Variants in CCT7 observed in about 807,000 individuals in gnomAD.
The protein encoded by CCT7 is chaperonin containing TCP1 subunit 7, also known as T-complex protein 1 subunit eta.
Under a neutral mutation model 56.6 loss-of-function variants are expected in CCT7, and 16 were observed. The ratio of observed to expected loss-of-function variants is 0.28; its 90% confidence interval spans 0.19 to 0.43. The LOEUF is 0.43. CCT7 is among the 20% of genes least tolerant of loss of function. CCT7 has a pLI of 1.00. For missense variants in CCT7, 519 were observed against 685.6 expected, an observed-to-expected ratio of 0.76 and a Z score of 2.71; for synonymous variants, 262 against 254.8, an observed-to-expected ratio of 1.03 and a Z score of -0.27.
intron 10 of CCT7, among the ~76,000 whole-genome samples, chr2:73,250,955 A>G (rs1416645014): frequency 6.6e-6 from 1 of 152,036 alleles, no homozygotes; most frequent in Non-Finnish European, 1.5e-5. Context: ...TCGTTTTGTT[A>G]GCAAACTGGA....
At position 73,247,953 on chromosome 2, in the gene CCT7, GC is replaced by G. The variant is rs776717969; in HGVS notation, c.783+28del. ...TAGGTGGGTTCACCAGTTGGTGGGG[GC>G]ATGGAAATGGGCAGCTTTCTGAGCC... On this transcript the variant is annotated intron_variant, in intron 7 of 11. Transcript: ENST00000258091. 3.1e-6 allele frequency: 5 copies of G among 1,604,076 alleles called. No individual in the cohort carries two copies. In the African/African-American group the frequency reaches 5.4e-5, roughly 17 times the overall value.
At chr2:73,251,126 A>G in intron 10 of CCT7, 100 bp from the exon 11 acceptor site, 1 of 1,079,772 alleles carries the variant, frequency 9.3e-7, no homozygotes, top group Non-Finnish European at 1.4e-6. Context: ...GAAGGAATGA[A>G]GAACCACTCT....
Position 73,248,979 on chromosome 2 carries a change from G to T in CCT7, c.784-12G>T. 6.2e-7 allele frequency: 1 copy of T among 1,604,050 alleles called. No homozygotes were observed. The highest frequency in any genetic ancestry group is 1.1e-5 in the South Asian group (1 of 90,348). Reference sequence around the variant, plus strand: ...CCCCAAAGCATTCTCATCCTTTTCTGGGTCTCTCCAGGATTATCAGGCAAT... The same window carrying T: ...CCCCAAAGCATTCTCATCCTTTTCTTGGTCTCTCCAGGATTATCAGGCAAT... On this transcript the variant is annotated splice_polypyrimidine_tract_variant and intron_variant, in intron 7 of 11. Transcript: ENST00000258091.
intron 5 of CCT7, 103 bp downstream of exon 5, chr2:73,244,152 C>T (rs1221521290): frequency 1.9e-5 from 21 of 1,133,364 alleles, no homozygotes; most frequent in Admixed American, 4.7e-5. Flanking sequence ...CTCCCACCTG[C>T]GACTCCCAAA....
At chr2:73,245,910 T>C (rs765013695) in intron 6 of CCT7, among the ~76,000 whole-genome samples, 2 of 152,198 alleles carry the variant, frequency 1.3e-5, no homozygotes, top group African/African-American at 2.4e-5. Context: ...CTCACTGCTT[T>C]AGTAGCGATT....
chr2:73,248,866 A>G lies in CCT7; in HGVS notation c.784-125A>G, dbSNP rs1203811774. On this transcript the variant is annotated intron_variant, in intron 7 of 11. Transcript: ENST00000258091. Reference sequence around the variant, plus strand: ...GGACTGAGGAGTAGCTATTCTGTTTATCTCTGTTAATTCCCAGATGAATCA... The same window carrying G: ...GGACTGAGGAGTAGCTATTCTGTTTGTCTCTGTTAATTCCCAGATGAATCA... 6 of 741,180 alleles carry G rather than the reference A, an allele frequency of 8.1e-6. No individual in the cohort carries two copies. The East Asian group carries it at 1.3e-4, about 17-fold the overall frequency. The allele number at this position is 741,180 out of a possible 1,614,324, so 45.9% of individuals were successfully genotyped here.
chr2:73,234,812 A>T (rs1003587685), intron 1 of CCT7, among the ~76,000 whole-genome samples: 2 of 152,194 alleles, frequency 1.3e-5, no homozygotes, highest in African/African-American at 4.8e-5. Flanking sequence ...TGGAACCGGC[A>T]CAGGCACATT....
Position 73,244,082 on chromosome 2 carries a change from T to G in CCT7, c.446+33T>G, listed in dbSNP as rs762552228. On this transcript the variant is annotated intron_variant, in intron 5 of 11. Transcript: ENST00000258091. ...TGTAGTGGGTTTTTTTTTTTTTTTT[T>G]AAAGAGACGGAGCCTTGCTGTATTG... is the stretch of plus-strand genomic sequence containing the variant. 4.1e-6 allele frequency: 6 copies of G among 1,449,528 alleles called. No homozygotes were observed. The African/African-American group carries it at 7.4e-5, about 18-fold the overall frequency. The allele number at this position is 1,449,528 out of a possible 1,614,324, so 89.8% of individuals were successfully genotyped here.
At chr2:73,244,497 G>A (rs1358703968) in intron 5 of CCT7, 47 bp from the exon 6 acceptor site, 2 of 1,527,506 alleles carry the variant, frequency 1.3e-6, no homozygotes, top group Non-Finnish European at 1.8e-6. Context: ...CAGATAAGAG[G>A]GATTTGGTTT....
intron 1 of CCT7, among the ~76,000 whole-genome samples, chr2:73,235,147 T>C (rs2103751509): frequency 6.6e-6 from 1 of 152,294 alleles, no homozygotes; most frequent in East Asian, 1.9e-4. Context: ...TCTTGAAATT[T>C]GGGGCGAGGG....
intron 10 of CCT7, among the ~76,000 whole-genome samples, 184 bp from the exon 11 acceptor site, chr2:73,251,042 A>G (rs936498576): frequency 1.3e-5 from 2 of 152,140 alleles, no homozygotes; most frequent in Non-Finnish European, 2.9e-5. Flanking sequence ...GTCAGAAACC[A>G]TAAGGTTCAC....
chr2:73,249,286 C>G, intron 8 of CCT7, 107 bp downstream of exon 8: 4 of 877,830 alleles, frequency 4.6e-6, no homozygotes, highest in Non-Finnish European at 5.0e-6. Flanking sequence ...TGAATTGAGC[C>G]CTGTTTTTTT....
intron 1 of CCT7, among the ~76,000 whole-genome samples, chr2:73,238,848 C>G (rs528566263): frequency 1.3e-5 from 2 of 152,168 alleles, no homozygotes; most frequent in Non-Finnish European, 2.9e-5. Context: ...TGAGCGGGCC[C>G]TTTAAAACAA....
chr2:73,244,003 A>G lies in CCT7; in HGVS notation c.400A>G (p.Asn134Asp). The change falls in exon 5 of 12, where the codon AAC becomes GAC. Residue 134 changes from asparagine to aspartate, a missense_variant. Asn to Asp is a conservative substitution (Grantham distance 23). Around this residue, in one of 3 missense-constraint regions of CCT7, gnomAD observed 276 missense variants for 357.3 expected, o/e 0.77. Coordinates refer to ENST00000258091, the MANE Select transcript of CCT7 (RefSeq NM_006429.4). ...AFRTATQLAV[N>D]KIKEIAVTVK... ...CAACTTCTGTTCTTGGCAGGCAGTT[A>G]ACAAGATCAAAGAGATTGCTGTGAC... The G allele has an allele frequency of 6.2e-7, 1 of 1,613,848 alleles. No individual in the cohort carries two copies. Among genetic ancestry groups the G allele is most frequent in the Non-Finnish European group, 8.5e-7 (1 of 1,179,828 alleles).
chr2:73,235,133 G>C (rs1420921742), intron 1 of CCT7, among the ~76,000 whole-genome samples: 1 of 152,148 alleles, frequency 6.6e-6, no homozygotes. Context: ...TCTGGGTCTC[G>C]TTTTCTTGAA....
Position 73,251,440 on chromosome 2 carries a change from CT to C in CCT7, c.1410+11del. 3.4e-6 allele frequency: 3 copies of C among 892,830 alleles called. No homozygotes were observed. Among genetic ancestry groups the C allele is most frequent in the Non-Finnish European group, 5.0e-6 (3 of 598,726 alleles). The allele number at this position is 892,830 out of a possible 1,614,324, so 55.3% of individuals were successfully genotyped here. On this transcript the variant is annotated intron_variant, in intron 11 of 11. Coordinates refer to ENST00000258091, the MANE Select transcript of CCT7 (RefSeq NM_006429.4). Reference sequence around the variant, plus strand: ...CGGGCTCGGCATGCCCAGGTGGGTCCTTTCTCTCCCCAGGGTTCAGGGTTTG... The same window carrying C: ...CGGGCTCGGCATGCCCAGGTGGGTCCTTCTCTCCCCAGGGTTCAGGGTTTG...
intron 8 of CCT7, 123 bp from the exon 9 acceptor site, chr2:73,249,696 G>C (rs919101479): frequency 7.1e-6 from 5 of 704,284 alleles, no homozygotes; most frequent in South Asian, 1.6e-5. Context: ...GAAGTCAAGG[G>C]AAAGGGCGGG....
intron 11 of CCT7, among the ~76,000 whole-genome samples, chr2:73,251,713 G>A (rs1178022779): frequency 6.6e-6 from 1 of 152,220 alleles, no homozygotes; most frequent in Non-Finnish European, 1.5e-5. Context: ...GCCGAGGTGG[G>A]CGGATCATGA....
At chr2:73,239,594 T>C in intron 1 of CCT7, 49 bp from the exon 2 acceptor site, 1 of 1,549,746 alleles carries the variant, frequency 6.5e-7, no homozygotes, top group African/African-American at 1.4e-5. Context: ...CCTGCCAGTC[T>C]CATTATAATA....
Sources: allele counts gnomAD v4.1 joint callset (sites outside exome capture counted in the v4.1 genomes callset), GRCh38; gene constraint gnomAD v4.1.1; regional missense constraint gnomAD v4.1.1; transcripts MANE v1.5; gene names NCBI Gene and HGNC (gene_info 2026-07-23, HGNC 2026-07-21).